ZFYVE1: variants seen among roughly 807,000 people sequenced by gnomAD.
ZFYVE1 encodes zinc finger FYVE-type containing 1.
In ZFYVE1, 30 loss-of-function variants were observed where a neutral mutation model predicts 74.4. The ratio of observed to expected loss-of-function variants is 0.40; its 90% CI spans 0.30 to 0.55. The LOEUF (loss-of-function observed/expected upper bound fraction) is 0.55. Among genes scored for constraint, ZFYVE1 ranks in the 20% least tolerant of loss-of-function variants. The pLI is 0.42. For missense variants in ZFYVE1, 703 were observed against 1,011.6 expected, an observed-to-expected ratio of 0.69 and a Z score of 4.14; for synonymous variants, 335 against 385.1, an observed-to-expected ratio of 0.87 and a Z score of 1.52.
At position 73,024,622 on chromosome 14, in the gene ZFYVE1, C is replaced by T; in HGVS notation, c.-114G>A. The stretch of plus-strand genomic sequence containing the variant: ...CACGAAACTTCCACAGGGTTCTGAA[C>T]ACTTTAAAAAAGAACACCTTTCATG... On this transcript the variant is annotated 5_prime_UTR_variant, in exon 2 of 12. Coordinates refer to ENST00000556143, the MANE Select transcript of ZFYVE1 (RefSeq NM_021260.4). The T allele has an allele frequency of 7.0e-7, 1 of 1,424,898 alleles. No individual in the cohort carries two copies. The highest frequency in any genetic ancestry group is 1.5e-5 in the South Asian group (1 of 66,102). The allele number at this position is 1,424,898 out of a possible 1,614,324, so 88.3% of individuals were successfully genotyped here. A position where few individuals can be genotyped will look rare whatever the true frequency, so the allele number is the denominator to read the frequency against.
At position 72,977,261 on chromosome 14, in the gene ZFYVE1, GC is replaced by G. The variant is rs1893197386; in HGVS notation, c.1635+665del. ...TGTCTTTACTGAAAATACAAAATTA[GC>G]CGGGCGTGGCGGTCGTGCCTGTAAT... On this transcript the variant is annotated intron_variant, in intron 8 of 11. Coordinates refer to ENST00000556143, the MANE Select transcript of ZFYVE1 (RefSeq NM_021260.4). 2.6e-5 allele frequency among the ~76,000 whole-genome samples: 4 copies of G among 152,024 alleles called. No homozygotes were observed. In the South Asian group the frequency reaches 8.3e-4, roughly 32 times the overall value.
chr14:72,969,617 C>T lies in ZFYVE1; in HGVS notation c.*1265G>A, dbSNP rs540665211. On this transcript the variant is annotated 3_prime_UTR_variant, in exon 12 of 12. Transcript: ENST00000556143. ...ACCAGGAATGACCGCCATATACTTC[C>T]CTAAAGCTCAACCCACCCACCAGTT... 8 of 684,336 alleles carry T rather than the reference C, an allele frequency of 1.2e-5. No homozygotes were observed. Among genetic ancestry groups the T allele is most frequent in the Non-Finnish European group, 2.1e-5 (8 of 376,812 alleles). The allele number at this position is 684,336 out of a possible 1,614,324, so 42.4% of individuals were successfully genotyped here.
intron 2 of ZFYVE1, among the ~76,000 whole-genome samples, chr14:73,007,469 A>G (rs1894004697): frequency 6.6e-6 from 1 of 151,850 alleles, no homozygotes; most frequent in South Asian, 2.1e-4. Flanking sequence ...TCCACCTCTC[A>G]GGCTCAATCA....
chr14:72,970,619 A>G lies in ZFYVE1; in HGVS notation c.*263T>C. 1.9e-6 allele frequency: 1 copy of G among 531,474 alleles called. No individual in the cohort carries two copies. 32.9% of individuals were successfully genotyped at this position (531,474 alleles called of 1,614,324 possible). ...ATATGAGAGAGAGATATACACATAT[A>G]TATTCATTATTTTTAACTGAAATAA... On this transcript the variant is annotated 3_prime_UTR_variant, in exon 12 of 12. Coordinates refer to ENST00000556143, the MANE Select transcript of ZFYVE1 (RefSeq NM_021260.4).
intron 2 of ZFYVE1, among the ~76,000 whole-genome samples, chr14:73,010,851 G>A (rs1391869566): frequency 6.9e-6 from 1 of 144,648 alleles, no homozygotes; most frequent in Non-Finnish European, 1.5e-5. Context: ...ACATTTCATT[G>A]AAAATCCTTA....
intron 2 of ZFYVE1, among the ~76,000 whole-genome samples, chr14:73,023,604 G>A (rs1894392476): frequency 6.6e-6 from 1 of 151,624 alleles, no homozygotes; most frequent in East Asian, 1.9e-4. Context: ...CTGGATAGGT[G>A]CAGTCCCGCA....
intron 1 of ZFYVE1, among the ~76,000 whole-genome samples, chr14:73,026,271 G>GA (rs201834914): frequency 1.3e-5 from 2 of 151,848 alleles, no homozygotes; most frequent in African/African-American, 4.8e-5. Flanking sequence ...TTCAAAATAC[G>GA]AAAAAAGATA....
intron 2 of ZFYVE1, among the ~76,000 whole-genome samples, chr14:73,003,861 G>T (rs141236119): frequency 1.3e-5 from 2 of 152,184 alleles, no homozygotes; most frequent in African/African-American, 4.8e-5. Flanking sequence ...GGGCAGGGCC[G>T]TGTCTACCTT....
intron 1 of ZFYVE1, among the ~76,000 whole-genome samples, chr14:73,026,594 G>T (rs1311555513): frequency 2.0e-5 from 3 of 151,980 alleles, no homozygotes; most frequent in African/African-American, 7.3e-5. Flanking sequence ...CCTCACGCCC[G>T]GCCATGTCAA....
At position 72,974,796 on chromosome 14, in the gene ZFYVE1, G is replaced by A. The variant is rs371331449; in HGVS notation, c.1970C>T (p.Ala657Val). The A allele has an allele frequency of 1.2e-5, 20 of 1,600,570 alleles. No individual in the cohort carries two copies. In the African/African-American group the frequency reaches 2.4e-4, roughly 19 times the overall value. Residue 657 changes from alanine (A) to valine (V), a missense_variant, in exon 10 of 12, where the codon GCC (alanine) becomes GTC (valine). Physicochemically the swap from Ala to Val is moderately conservative, Grantham distance 64. Transcript: ENST00000556143. ...PVRVCDNCYE[A>V]RNVQLAVTEA... ...CACGTTACCTAACTGGACGTTCCTG[G>A]CTTCGTAGCAGTTGTCACAGACCCG... is the stretch of plus-strand genomic sequence containing the variant.
chr14:73,023,998 A>G (rs1362753849), intron 2 of ZFYVE1, 28 bp downstream of exon 2: 16 of 1,603,510 alleles, frequency 1.0e-5, no homozygotes, highest in Admixed American at 1.7e-5. Context: ...TCCACTACAC[A>G]TGAATCCCAC....
chr14:73,022,257 T>C (rs975751965), intron 2 of ZFYVE1, among the ~76,000 whole-genome samples: 2 of 152,206 alleles, frequency 1.3e-5, no homozygotes, highest in Non-Finnish European at 2.9e-5. Context: ...GTTAGCAAAG[T>C]ATTAACATGA....
intron 6 of ZFYVE1, 36 bp from the exon 7 acceptor site, chr14:72,978,270 T>C (rs375795966): frequency 2.5e-6 from 4 of 1,602,624 alleles, no homozygotes; most frequent in Non-Finnish European, 3.4e-6. Flanking sequence ...TTATTGTTTG[T>C]TTTTTGTTTG....
At position 72,969,979 on chromosome 14, in the gene ZFYVE1, G is replaced by C; in HGVS notation, c.*903C>G. ...ATTAAGACACTTTAAAATAAGCAAT[G>C]AAAATCCTAGTGCGACACTCAGAAG... On this transcript the variant is annotated 3_prime_UTR_variant, in exon 12 of 12. Coordinates refer to ENST00000556143, the MANE Select transcript of ZFYVE1 (RefSeq NM_021260.4). The C allele has an allele frequency of 3.9e-6, 2 of 507,564 alleles. No homozygotes were observed. The allele number at this position is 507,564 out of a possible 1,614,324, so 31.4% of individuals were successfully genotyped here.
intron 10 of ZFYVE1, 138 bp downstream of exon 10, chr14:72,974,641 G>GACT (rs1479579359): frequency 8.9e-7 from 1 of 1,128,858 alleles, no homozygotes; most frequent in Non-Finnish European, 1.2e-6. Context: ...AAGGAGCTTA[G>GACT]AGGCTGACTG....
At chr14:73,009,609 A>T (rs1439150121) in intron 2 of ZFYVE1, among the ~76,000 whole-genome samples, 1 of 152,184 alleles carries the variant, frequency 6.6e-6, no homozygotes, top group Non-Finnish European at 1.5e-5. Context: ...TACAAAAATT[A>T]GGTGGGCGTG....
At chr14:72,976,522 C>T (rs1307587072) in intron 8 of ZFYVE1, among the ~76,000 whole-genome samples, 2 of 152,098 alleles carry the variant, frequency 1.3e-5, no homozygotes, top group African/African-American at 2.4e-5. Context: ...CGATGGCTCA[C>T]GCCTGTAATC....
rs1662882661 is a variant in ZFYVE1, at chr14:72,969,679, T to C, written c.*1203A>G. 4.3e-6 allele frequency: 3 copies of C among 701,128 alleles called. No homozygotes were observed. Among genetic ancestry groups the C allele is most frequent in the South Asian group, 3.0e-5 (2 of 67,206 alleles). 43.4% of individuals were successfully genotyped at this position (701,128 alleles called of 1,614,324 possible). A position where few individuals can be genotyped will look rare whatever the true frequency, so the allele number is the denominator to read the frequency against. On this transcript the variant is annotated 3_prime_UTR_variant, in exon 12 of 12. Transcript: ENST00000556143. ...TATACTTTAATTCGTGTTTGGCCACTGAAGATCAAATCCACCATGATGATA... is the reference window on the plus strand; with the variant it reads ...TATACTTTAATTCGTGTTTGGCCACCGAAGATCAAATCCACCATGATGATA...
chr14:72,985,074 C>A (rs1457147866), intron 4 of ZFYVE1, among the ~76,000 whole-genome samples: 1 of 152,196 alleles, frequency 6.6e-6, no homozygotes, highest in Non-Finnish European at 1.5e-5. Flanking sequence ...GCTAACTACT[C>A]CCTAACTGGC....
Sources: allele counts gnomAD v4.1 joint callset (sites outside exome capture counted in the v4.1 genomes callset), GRCh38; gene constraint gnomAD v4.1.1; transcripts MANE v1.5; gene names NCBI Gene and HGNC (gene_info 2026-07-23, HGNC 2026-07-21).